Variants in UNC80 observed in about 807,000 individuals in gnomAD.
UNC80 encodes unc-80 subunit of NALCN channel complex, also known as protein unc-80 homolog.
A neutral mutation model predicts 384.6 loss-of-function variants in UNC80; 164 were observed. The observed-to-expected ratio is 0.43, with a 90% CI of 0.38 to 0.49. The LOEUF is 0.49. Among genes scored for constraint, UNC80 ranks in the 20% least tolerant of loss-of-function variants. The pLI, the probability that UNC80 is intolerant of heterozygous loss-of-function variation, is 0.00. For synonymous variants in UNC80, 1,486 were observed against 1,527.8 expected, an observed-to-expected ratio of 0.97 and a Z score of 0.64; for missense variants, 3,330 against 4,143.0, an observed-to-expected ratio of 0.80 and a Z score of 5.39.
chr2:209,973,036 C>A, intron 55 of UNC80, 28 bp from the exon 56 acceptor site: 1 of 1,549,124 alleles, frequency 6.5e-7, no homozygotes, highest in East Asian at 2.4e-5. Context: ...TTTCTTTCCA[C>A]TTCCGTCTTC....
intron 40 of UNC80, among the ~76,000 whole-genome samples, chr2:209,936,472 G>A (rs1465480333): frequency 6.6e-6 from 1 of 152,154 alleles, no homozygotes; most frequent in East Asian, 1.9e-4. Flanking sequence ...ACCAGTAGGT[G>A]CCACTGTTCC....
intron 7 of UNC80, among the ~76,000 whole-genome samples, chr2:209,800,959 T>C (rs187537806): frequency 6.6e-6 from 1 of 152,272 alleles, no homozygotes; most frequent in East Asian, 1.9e-4. Context: ...TGCTGAGGAG[T>C]GTTCTACTTC....
At chr2:209,919,783 A>T (rs2089888164) in intron 33 of UNC80, among the ~76,000 whole-genome samples, 1 of 152,126 alleles carries the variant, frequency 6.6e-6, no homozygotes, top group Non-Finnish European at 1.5e-5. Context: ...ATGTGCAGTA[A>T]TTTCAGCATC....
intron 51 of UNC80, among the ~76,000 whole-genome samples, chr2:209,964,574 G>A (rs1376841064): frequency 1.3e-5 from 2 of 152,070 alleles, no homozygotes; most frequent in African/African-American, 4.8e-5. Context: ...AGATCACAAG[G>A]TCAAGAGATC....
At chr2:209,888,854 A>G (rs2086074857) in intron 26 of UNC80, among the ~76,000 whole-genome samples, 3 of 152,166 alleles carry the variant, frequency 2.0e-5, no homozygotes, top group African/African-American at 7.2e-5. Flanking sequence ...AGAAAAAATA[A>G]TATTATGTTT....
chr2:209,781,762 C>CT (rs2077164622), intron 4 of UNC80, among the ~76,000 whole-genome samples: 2 of 152,154 alleles, frequency 1.3e-5, no homozygotes, highest in African/African-American at 4.8e-5. Context: ...AGGCTGAGGT[C>CT]ACCTAATTAT....
chr2:209,836,736 C>T (rs1169463207), intron 18 of UNC80, among the ~76,000 whole-genome samples: 2 of 152,108 alleles, frequency 1.3e-5, no homozygotes, highest in Non-Finnish European at 2.9e-5. Flanking sequence ...GACACTGGCT[C>T]CTCCTCTAGC....
Position 209,780,557 on chromosome 2 carries a change from T to C in UNC80, c.600+2998T>C, listed in dbSNP as rs114061009. Among the ~76,000 whole-genome samples, 748 of 152,286 alleles carry C rather than the reference T, an allele frequency of 4.9e-3. 2 individuals are homozygous for C. The highest frequency in any genetic ancestry group is 8.2e-3 in the Non-Finnish European group (555 of 68,024). On this transcript the variant is annotated intron_variant, in intron 4 of 64. Transcript: ENST00000673920. Reference sequence around the variant, plus strand: ...TGGCATTTGGGGCCAGATAATTCTTTGTTATGGGACACTGTCCTATGCATT... The same window carrying C: ...TGGCATTTGGGGCCAGATAATTCTTCGTTATGGGACACTGTCCTATGCATT...
Position 209,994,249 on chromosome 2 carries a change from C to T in UNC80, c.9693C>T (p.Ser3231=), listed in dbSNP as rs201206034. 21 of 1,550,138 alleles carry T rather than the reference C, an allele frequency of 1.4e-5. No homozygotes were observed. Among genetic ancestry groups the T allele is most frequent in the Admixed American group, 2.0e-5 (1 of 50,824 alleles). The part of the protein sequence containing the change: ...SPAIVVADLH[S]VSPKQSENFP... ...CCATAGTTGTTGCGGATCTCCACAG[C>T]GTGTCTCCCAAGCAGGTGAGGGCAC... The change falls in exon 64 of 65, where the codon AGC becomes AGT. Residue 3231 remains serine, a synonymous_variant. Coordinates refer to ENST00000673920, the MANE Select transcript of UNC80 (RefSeq NM_001371986.1).
intron 2 of UNC80, among the ~76,000 whole-genome samples, chr2:209,773,501 C>G (rs2076694897): frequency 6.6e-6 from 1 of 152,050 alleles, no homozygotes; most frequent in South Asian, 2.1e-4. Flanking sequence ...TTAATGTGAA[C>G]CTTGGCCAAA....
chr2:209,818,088 T>C (rs987104692), intron 11 of UNC80, 136 bp downstream of exon 11: 19 of 1,097,238 alleles, frequency 1.7e-5, no homozygotes, highest in African/African-American at 3.2e-5. Context: ...TGAATTGCTT[T>C]TGTTAGCCAT....
At position 209,976,956 on chromosome 2, in the gene UNC80, G is replaced by A. The variant is rs376313479; in HGVS notation, c.8816G>A (p.Arg2939Gln). 85 of 1,529,084 alleles carry A rather than the reference G, an allele frequency of 5.6e-5. No individual in the cohort carries two copies. Among genetic ancestry groups the A allele is most frequent in the African/African-American group, 1.6e-4 (12 of 72,796 alleles). 94.7% of individuals were successfully genotyped at this position (1,529,084 alleles called of 1,614,324 possible). A position where few individuals can be genotyped will look rare whatever the true frequency, so the allele number is the denominator to read the frequency against. The change falls in exon 58 of 65, where the codon CGG becomes CAG. Residue 2939 changes from arginine to glutamine, a missense_variant. By Grantham distance (43) the Arg-to-Gln change is conservative. Transcript: ENST00000673920. This position sits in a 1 kb window ranked among gnomAD's most constrained non-coding sequence, Gnocchi z 4.3. ...PAENHEELSA[R>Q]QHIADQLERR... Reference sequence around the variant, plus strand: ...GAGAATCATGAAGAGCTTTCCGCCCGGCAACATATTGCCGACCAGCTGGAG... The same window carrying A: ...GAGAATCATGAAGAGCTTTCCGCCCAGCAACATATTGCCGACCAGCTGGAG...
intron 23 of UNC80, among the ~76,000 whole-genome samples, chr2:209,874,036 G>A (rs1357891759): frequency 2.0e-5 from 3 of 151,940 alleles, no homozygotes; most frequent in Non-Finnish European, 4.4e-5. Context: ...TAATGCTAAT[G>A]TCAATGATCA....
At chr2:209,865,495 G>T (rs542121368) in intron 22 of UNC80, among the ~76,000 whole-genome samples, 1 of 151,596 alleles carries the variant, frequency 6.6e-6, no homozygotes, top group Non-Finnish European at 1.5e-5. Context: ...CCAGCTCCTC[G>T]GGAGGCTGAG....
intron 23 of UNC80, among the ~76,000 whole-genome samples, chr2:209,873,967 A>G (rs1313291135): frequency 1.5e-5 from 2 of 136,904 alleles, no homozygotes; most frequent in Non-Finnish European, 3.2e-5. Context: ...TTAAAAAGAT[A>G]CACGTATGTA....
At chr2:209,870,835 A>G (rs1340557207) in intron 22 of UNC80, among the ~76,000 whole-genome samples, 1 of 152,188 alleles carries the variant, frequency 6.6e-6, no homozygotes, top group Non-Finnish European at 1.5e-5. Context: ...AAGGGATTTA[A>G]GAAGGGTTCT....
At chr2:209,780,978 G>A (rs1480357183) in intron 4 of UNC80, among the ~76,000 whole-genome samples, 2 of 152,170 alleles carry the variant, frequency 1.3e-5, no homozygotes, top group African/African-American at 2.4e-5. Context: ...TTTCTGCAAC[G>A]CTGTAGTCTC....
chr2:209,888,127 C>T lies in UNC80; in HGVS notation c.4143C>T (p.Pro1381=), dbSNP rs750637966. ...AGAGCTGCAGACTTCGTTTGGATCC[C>T]GAGTTGGACCGGCACAGATATGAGA... ...DLESCRLRLD[P]ELDRHRYERK... is the part of the protein sequence containing the mutation. Residue 1381 remains proline (P), a synonymous_variant, in exon 26 of 65, where the codon CCC becomes CCT. Coordinates refer to ENST00000673920, the MANE Select transcript of UNC80 (RefSeq NM_001371986.1). 5.2e-6 allele frequency: 8 copies of T among 1,551,606 alleles called. No homozygotes were observed. Among genetic ancestry groups the T allele is most frequent in the Non-Finnish European group, 6.1e-6 (7 of 1,146,992 alleles).
intron 5 of UNC80, among the ~76,000 whole-genome samples, chr2:209,787,000 TATATATATATATATATATACC>T (rs1185872226): frequency 2.1e-4 from 30 of 143,836 alleles, no homozygotes; most frequent in African/African-American, 7.1e-4. Flanking sequence ...TATATATATA[TATATATATATATATATATACC>T]TATATATTTT....
Sources: gnomAD v4.1 joint callset for allele counts (sites outside exome capture counted in the v4.1 genomes callset) on GRCh38, gnomAD v4.1.1 for gene constraint, Gnocchi (gnomAD v3.1) non-coding constraint, MANE v1.5 for transcripts, NCBI Gene and HGNC (gene_info 2026-07-23, HGNC 2026-07-21) for gene names.